IMMP2L: variants seen among roughly 807,000 people sequenced by gnomAD.
IMMP2L encodes the protein inner mitochondrial membrane peptidase subunit 2.
Under a neutral mutation model 19.3 loss-of-function variants are expected in IMMP2L, and 18 were observed. The ratio of observed to expected loss-of-function variants is 0.93; its 90% CI spans 0.64 to 1.38. The LOEUF (loss-of-function observed/expected upper bound fraction) is 1.38. Among genes scored for constraint, IMMP2L ranks in the 40% most tolerant of loss-of-function variants. The pLI is 0.00. For missense variants in IMMP2L, 233 were observed against 218.2 expected (o/e 1.07, Z -0.43); for synonymous variants, 76 against 73.0 (o/e 1.04, Z -0.21).
intron 3 of IMMP2L, among the ~76,000 whole-genome samples, chr7:111,019,746 C>A (rs142749438): frequency 1.3e-5 from 2 of 152,106 alleles, no homozygotes; most frequent in African/African-American, 2.4e-5. Context: ...TTGGAAAGGA[C>A]CCACTACCAG....
intron 5 of IMMP2L, among the ~76,000 whole-genome samples, chr7:110,805,291 A>G (rs1801548098): frequency 6.6e-6 from 1 of 152,114 alleles, no homozygotes; most frequent in Non-Finnish European, 1.5e-5. Context: ...TCCACAGTAC[A>G]AGTCAGTGCT....
chr7:111,330,539 G>A (rs1825775492), intron 3 of IMMP2L, among the ~76,000 whole-genome samples: 2 of 151,350 alleles, frequency 1.3e-5, no homozygotes, highest in African/African-American at 4.8e-5. Context: ...AATCAACTCA[G>A]AGACATATTT....
chr7:111,465,923 G>C lies in IMMP2L; in HGVS notation c.239+21315C>G, dbSNP rs530861042. Among the ~76,000 whole-genome samples, 307 of 152,180 alleles carry C rather than the reference G, an allele frequency of 2.0e-3. 3 individuals are homozygous for C. Among genetic ancestry groups the C allele is most frequent in the African/African-American group, 7.0e-3 (292 of 41,522 alleles). On this transcript the variant is annotated intron_variant, in intron 3 of 5. Coordinates refer to ENST00000405709, the MANE Select transcript of IMMP2L (RefSeq NM_032549.4). ...CACAATAGCAAAGACTTGGAACCAG[G>C]CCAAATGTCCAAGAATGATAGACTG... is the stretch of plus-strand genomic sequence containing the variant.
intron 3 of IMMP2L, among the ~76,000 whole-genome samples, chr7:111,072,744 A>C (rs1011766313): frequency 6.6e-6 from 1 of 152,002 alleles, no homozygotes; most frequent in Admixed American, 6.6e-5. Context: ...AAATACAAAA[A>C]ATCAGCCGGG....
At chr7:110,965,211 T>C (rs2129555798) in intron 3 of IMMP2L, among the ~76,000 whole-genome samples, 2 of 152,158 alleles carry the variant, frequency 1.3e-5, no homozygotes, top group South Asian at 4.1e-4. Context: ...CAAATGATCA[T>C]TTAATATGTA....
intron 3 of IMMP2L, among the ~76,000 whole-genome samples, chr7:111,190,538 A>G (rs1179360272): frequency 1.3e-5 from 2 of 152,166 alleles, no homozygotes; most frequent in African/African-American, 4.8e-5. Context: ...AACAATAGGA[A>G]CGTAAGGTAG....
intron 4 of IMMP2L, among the ~76,000 whole-genome samples, chr7:110,934,649 T>C (rs1356869184): frequency 6.6e-6 from 1 of 152,202 alleles, no homozygotes; most frequent in Non-Finnish European, 1.5e-5. Context: ...CTTGTAGGTC[T>C]CTAAGAACTT....
At chr7:110,669,106 T>G (rs532148656) in intron 5 of IMMP2L, among the ~76,000 whole-genome samples, 20,126 of 143,468 alleles carry the variant, frequency 0.14, 4,501 homozygotes, top group African/African-American at 0.48. Flanking sequence ...TATATATATA[T>G]ATAGAGAGAG....
chr7:111,534,326 AAAG>A (rs1289943660), intron 1 of IMMP2L, among the ~76,000 whole-genome samples: 1 of 152,172 alleles, frequency 6.6e-6, no homozygotes, highest in East Asian at 1.9e-4. Context: ...CAATCATTAA[AAAG>A]AACAATATAT....
rs191278570 is a variant in IMMP2L at position 111,195,654 on chromosome 7, G to A, written c.240-232089C>T. Among the ~76,000 whole-genome samples, 3 of 63,524 alleles carry A rather than the reference G, an allele frequency of 4.7e-5. No homozygotes were observed. The East Asian group carries it at 1.3e-3, about 29-fold the overall frequency. The allele number at this position is 63,524 out of a possible 152,430, so 41.7% of individuals were successfully genotyped here. A position where few individuals can be genotyped will look rare whatever the true frequency, so the allele number is the denominator to read the frequency against. ...TCTTCAGGATGCTTTATATATGTGA[G>A]CTCATTTATTTCCATTGACTACCCT... On this transcript the variant is annotated intron_variant, in intron 3 of 5. Transcript: ENST00000405709.
At chr7:111,541,378 T>G (rs1268375667) in intron 1 of IMMP2L, among the ~76,000 whole-genome samples, 1 of 152,174 alleles carries the variant, frequency 6.6e-6, no homozygotes, top group African/African-American at 2.4e-5. Context: ...AAGTGGGTAG[T>G]TGGGTAATAT....
chr7:110,966,549 T>C (rs1029889353), intron 3 of IMMP2L, among the ~76,000 whole-genome samples: 4 of 152,160 alleles, frequency 2.6e-5, no homozygotes, highest in East Asian at 3.9e-4. Context: ...AAAGGTATTC[T>C]ATATTTTAAA....
chr7:110,833,160 CG>C (rs1289322392), intron 5 of IMMP2L, among the ~76,000 whole-genome samples: 2 of 152,054 alleles, frequency 1.3e-5, no homozygotes, highest in Non-Finnish European at 2.9e-5. Context: ...ATCATGAGGT[CG>C]GGCACGGTGG....
At chr7:110,717,387 C>G (rs181983581) in intron 5 of IMMP2L, among the ~76,000 whole-genome samples, 297 of 152,340 alleles carry the variant, frequency 1.9e-3, no homozygotes, top group African/African-American at 5.8e-3. Context: ...AAGGCATGAA[C>G]CCAGGAGGCG....
At chr7:110,807,904 A>C (rs1801740476) in intron 5 of IMMP2L, among the ~76,000 whole-genome samples, 1 of 152,054 alleles carries the variant, frequency 6.6e-6, no homozygotes, top group Non-Finnish European at 1.5e-5. Context: ...AGTTGATGAC[A>C]GAAATTGGCT....
At chr7:111,172,920 C>T (rs947259998) in intron 3 of IMMP2L, among the ~76,000 whole-genome samples, 2 of 151,538 alleles carry the variant, frequency 1.3e-5, no homozygotes, top group Admixed American at 1.3e-4. Flanking sequence ...GGTGGAAAAA[C>T]CACTGTGCCG....
At chr7:110,735,872 GAATGA>G (rs1156327021) in intron 5 of IMMP2L, among the ~76,000 whole-genome samples, 1 of 99,476 alleles carries the variant, frequency 1.0e-5, no homozygotes, top group African/African-American at 3.2e-5. Context: ...AAAAAAAAAG[GAATGA>G]AATAATGACC....
rs1357273943 is a variant in IMMP2L, at chr7:111,294,485, AC to A, written c.239+192752del. On this transcript the variant is annotated intron_variant, in intron 3 of 5. Coordinates refer to ENST00000405709, the MANE Select transcript of IMMP2L (RefSeq NM_032549.4). ...ACATACAGAGCTATAAGTAAAAATA[AC>A]CCTTATATCTAGGCTGTAATTCTTT... Among the ~76,000 whole-genome samples the A allele has an allele frequency of 2.0e-5, 3 of 151,900 alleles. No homozygotes were observed. The East Asian group carries it at 5.8e-4, about 29-fold the overall frequency.
At chr7:110,686,374 TCCACACCATAGTTTCAACACCTA>T (rs1361368356) in intron 5 of IMMP2L, among the ~76,000 whole-genome samples, 1 of 152,008 alleles carries the variant, frequency 6.6e-6, no homozygotes, top group Non-Finnish European at 1.5e-5. Flanking sequence ...GGTAAACTCA[TCCACACCATAGTTTCAACACCTA>T]CCACACTGCC....
Sources: gnomAD v4.1 joint callset for allele counts (sites outside exome capture counted in the v4.1 genomes callset) on GRCh38, gnomAD v4.1.1 for gene constraint, MANE v1.5 for transcripts, NCBI Gene and HGNC (gene_info 2026-07-23, HGNC 2026-07-21) for gene names.